Variants in DKC1 observed in about 807,000 individuals in gnomAD.
DKC1 encodes H/ACA ribonucleoprotein complex subunit DKC1.
DKC1 carries 4 observed loss-of-function variants against 46.7 expected under a neutral mutation model. The ratio of observed to expected loss-of-function variants is 0.09; its 90% confidence interval spans 0.04 to 0.20. DKC1 has a LOEUF of 0.20. Ranked by LOEUF, DKC1 falls within the 10% of genes least tolerant of loss-of-function variation. DKC1 has a pLI of 1.00. For missense variants in DKC1, 171 were observed against 404.2 expected, an observed-to-expected ratio of 0.42 and a Z score of 4.95; for synonymous variants, 141 against 142.4, an observed-to-expected ratio of 0.99 and a Z score of 0.07.
At chrX:154,769,914 CT>C in intron 9 of DKC1, among the ~76,000 whole-genome samples, 1 of 111,390 alleles carries the variant, frequency 9.0e-6, no homozygotes, top group Middle Eastern at 4.6e-3. Context: ...CAAAAGAGGT[CT>C]AGGTGAGTGG....
chrX:154,765,228 C>T (rs1355880096), intron 2 of DKC1: 3 of 489,023 alleles, frequency 6.1e-6, no homozygotes, highest in Non-Finnish European at 1.1e-5. Context: ...CCCGCCATCC[C>T]CCTTTCTCTT....
intron 7 of DKC1, among the ~76,000 whole-genome samples, chrX:154,767,779 A>T (rs2071765239): frequency 9.0e-6 from 1 of 111,085 alleles, no homozygotes; most frequent in South Asian, 3.7e-4. Flanking sequence ...TCCATGAAAC[A>T]TACCATGCTG....
rs143207180 is a variant in DKC1 at position 154,775,252 on chromosome X, C to T, written c.1317C>T (p.Ala439=). 69 of 1,210,200 alleles carry T rather than the reference C, an allele frequency of 5.7e-5. No homozygotes were observed. The African/African-American group carries it at 1.0e-3, about 18-fold the overall frequency. The change falls in exon 13 of 15, where the codon GCC becomes GCT. Residue 439 remains alanine, a synonymous_variant. Coordinates refer to ENST00000369550, the MANE Select transcript of DKC1 (RefSeq NM_001363.5). ...AEVVKAPQVV[A]EAAKTAKRKR... Reference sequence around the variant, plus strand: ...TGGTAAAAGCCCCGCAGGTAGTTGCCGAAGCAGCAAAAACTGCGAAGGTGA... The same window carrying T: ...TGGTAAAAGCCCCGCAGGTAGTTGCTGAAGCAGCAAAAACTGCGAAGGTGA...
At chrX:154,765,581 C>A in intron 3 of DKC1, 51 bp downstream of exon 3, 1 of 948,650 alleles carries the variant, frequency 1.1e-6, no homozygotes, top group Non-Finnish European at 1.5e-6. Flanking sequence ...TACGTTATTT[C>A]CAAGTGTTAA....
chrX:154,773,701 C>G (rs1485994530), intron 11 of DKC1, among the ~76,000 whole-genome samples: 1 of 112,047 alleles, frequency 8.9e-6, no homozygotes, highest in Non-Finnish European at 1.9e-5. Flanking sequence ...ATGTCTACTT[C>G]TCTCCACACA....
At position 154,775,283 on chromosome X, in the gene DKC1, A is replaced by G. The variant is rs1557265558; in HGVS notation, c.1338+10A>G. ...AGCAAAAACTGCGAAGGTGAGTGGC[A>G]TGCTGTCCTCAGTTTGGAATGTGCT... On this transcript the variant is annotated intron_variant, in intron 13 of 14. Coordinates refer to ENST00000369550, the MANE Select transcript of DKC1 (RefSeq NM_001363.5). The G allele has an allele frequency of 5.0e-6, 6 of 1,205,649 alleles. No individual in the cohort carries two copies. Among genetic ancestry groups the G allele is most frequent in the Non-Finnish European group, 6.7e-6 (6 of 890,254 alleles).
At chrX:154,767,566 TG>T (rs1231609581) in intron 7 of DKC1, among the ~76,000 whole-genome samples, 184 bp downstream of exon 7, 5 of 112,437 alleles carry the variant, frequency 4.4e-5, no homozygotes, top group African/African-American at 1.6e-4. Context: ...TAAAGTGAGA[TG>T]GCTTTTACAC....
intron 1 of DKC1, among the ~76,000 whole-genome samples, chrX:154,763,773 C>T (rs1603429353): frequency 2.7e-5 from 3 of 112,264 alleles, no homozygotes; most frequent in East Asian, 2.8e-4. Context: ...TCCTAGGCTT[C>T]AAACCTGGAC....
rs1015989977 is a variant in DKC1 at position 154,770,234 on chromosome X, C to T, written c.916-525C>T. 1.5e-4 allele frequency among the ~76,000 whole-genome samples: 17 copies of T among 110,034 alleles called. 1 individual carries two copies. The highest frequency in any genetic ancestry group is 5.3e-4 in the African/African-American group (16 of 30,166). ...CCATAATCCCAGCACTTTGGGAGGC[C>T]GGGCCAGGCAAATTGCTTGAGCTCA... On this transcript the variant is annotated intron_variant, in intron 9 of 14. Coordinates refer to ENST00000369550, the MANE Select transcript of DKC1 (RefSeq NM_001363.5).
chrX:154,770,192 C>T (rs782016231), intron 9 of DKC1, among the ~76,000 whole-genome samples: 7 of 111,090 alleles, frequency 6.3e-5, no homozygotes, highest in Admixed American at 9.5e-5. Context: ...ATATGGACCA[C>T]GTGCGGTGGC....
chrX:154,763,036 G>A (rs2071700174), intron 1 of DKC1, 55 bp downstream of exon 1: 1 of 1,147,694 alleles, frequency 8.7e-7, no homozygotes, highest in Non-Finnish European at 1.2e-6. Flanking sequence ...GGGGAACGGG[G>A]GTGGGGGGAT....
chrX:154,763,638 A>T (rs1490705038), intron 1 of DKC1, among the ~76,000 whole-genome samples: 1 of 111,916 alleles, frequency 8.9e-6, no homozygotes, highest in African/African-American at 3.3e-5. Flanking sequence ...TTACCTACGG[A>T]TATACGTTCT....
chrX:154,763,296 G>C (rs1052063813), intron 1 of DKC1, among the ~76,000 whole-genome samples: 7 of 112,646 alleles, frequency 6.2e-5, no homozygotes, highest in Non-Finnish European at 1.1e-4. Flanking sequence ...TGTCTGTGCT[G>C]CTGCCAGCCC....
At position 154,765,540 on chromosome X, in the gene DKC1, TA is replaced by T. The variant is rs782433339; in HGVS notation, c.171+14del. On this transcript the variant is annotated intron_variant, in intron 3 of 14. Transcript: ENST00000369550. ...GCCCCTTTTGCTAAAGGTATGTGGT[TA>T]AAATCGTGCATCAGATGAATGCCTG... The T allele has an allele frequency of 1.1e-3, 1,209 of 1,138,769 alleles. No individual in the cohort carries two copies. Among genetic ancestry groups the T allele is most frequent in the Non-Finnish European group, 1.3e-3 (1,049 of 829,474 alleles). The allele number at this position is 1,138,769 out of a possible 1,213,427, so 93.8% of individuals were successfully genotyped here. A position where few individuals can be genotyped will look rare whatever the true frequency, so the allele number is the denominator to read the frequency against.
chrX:154,776,471 A>G (rs1329783926), intron 14 of DKC1, 147 bp downstream of exon 14: 2 of 876,984 alleles, frequency 2.3e-6, no homozygotes, highest in East Asian at 3.4e-5. Context: ...GTGCTTCCCC[A>G]TGTTCCTGGA....
At chrX:154,774,104 T>G (rs1557265347) in intron 11 of DKC1, among the ~76,000 whole-genome samples, 2 of 112,271 alleles carry the variant, frequency 1.8e-5, no homozygotes, top group African/African-American at 6.5e-5. Context: ...CCTTAGAGAT[T>G]TCAGTCTAAT....
intron 10 of DKC1, among the ~76,000 whole-genome samples, chrX:154,771,264 C>T (rs1305987772): frequency 1.0e-5 from 1 of 99,663 alleles, no homozygotes; most frequent in African/African-American, 3.7e-5. Context: ...GACCTCGGCT[C>T]ACTGCAACTT....
Position 154,764,974 on chromosome X carries a change from GTAA to G in DKC1, c.84+10_84+12del. ...CCAGAAGAAGATGTAGCCGTGAGTA[GTAA>G]TGTGTTTGACTTCACTTTGACTAAA... On this transcript the variant is annotated intron_variant, in intron 2 of 14. Transcript: ENST00000369550. 8.5e-7 allele frequency: 1 copy of G among 1,183,216 alleles called. No homozygotes were observed. The highest frequency in any genetic ancestry group is 1.2e-6 in the Non-Finnish European group (1 of 869,327).
chrX:154,767,843 CT>C (rs35184460), intron 7 of DKC1, among the ~76,000 whole-genome samples: 883 of 65,086 alleles, frequency 0.014, no homozygotes, highest in African/African-American at 0.021. Flanking sequence ...AATTACAGAT[CT>C]TTTTTTTTTT....
Sources: gnomAD v4.1 joint callset for allele counts (sites outside exome capture counted in the v4.1 genomes callset) on GRCh38, gnomAD v4.1.1 for gene constraint, MANE v1.5 for transcripts, NCBI Gene and HGNC (gene_info 2026-07-23, HGNC 2026-07-21) for gene names.